Variants in NFYC observed in about 807,000 individuals in gnomAD.
NFYC encodes the protein nuclear transcription factor Y subunit gamma.
Under a neutral mutation model 53.1 loss-of-function variants are expected in NFYC, and 25 were observed. The observed-to-expected ratio is 0.47, with a 90% CI of 0.34 to 0.66. The LOEUF is 0.66. Among genes scored for constraint, NFYC ranks in the 30% least tolerant of loss-of-function variants. NFYC has a pLI of 0.01. For synonymous variants in NFYC, 145 were observed against 152.6 expected, an observed-to-expected ratio of 0.95 and a Z score of 0.37; for missense variants, 260 against 422.7, an observed-to-expected ratio of 0.62 and a Z score of 3.38.
chr1:40,737,964 G>A (rs1030996321), intron 1 of NFYC, among the ~76,000 whole-genome samples: 3 of 149,320 alleles, frequency 2.0e-5, no homozygotes, highest in Non-Finnish European at 4.5e-5. Flanking sequence ...GTGCAGTGGC[G>A]GGATCTCGGC....
At chr1:40,752,942 A>G (rs1191210280) in intron 4 of NFYC, among the ~76,000 whole-genome samples, 1 of 152,086 alleles carries the variant, frequency 6.6e-6, no homozygotes, top group Admixed American at 6.6e-5. Flanking sequence ...AGTGTGAGTT[A>G]CATGTATCTC....
Position 40,691,873 on chromosome 1 carries a change from T to C in NFYC, c.-9+6T>C. On this transcript the variant is annotated splice_donor_region_variant and intron_variant, in intron 1 of 9. Transcript: ENST00000447388. The stretch of plus-strand genomic sequence containing the variant: ...TCCTGGACTCCTGAGCAGAGGTGTG[T>C]GAGTGTGCGGGAGTTTCTGTGCGAG... 1 of 399,832 alleles carries C rather than the reference T, an allele frequency of 2.5e-6. No individual in the cohort carries two copies. Among genetic ancestry groups the C allele is most frequent in the South Asian group, 1.7e-5 (1 of 59,570 alleles). 24.8% of individuals were successfully genotyped at this position (399,832 alleles called of 1,614,324 possible). A position where few individuals can be genotyped will look rare whatever the true frequency, so the allele number is the denominator to read the frequency against.
At chr1:40,736,236 T>C (rs1354872703) in intron 1 of NFYC, among the ~76,000 whole-genome samples, 1 of 152,188 alleles carries the variant, frequency 6.6e-6, no homozygotes, top group Non-Finnish European at 1.5e-5. Context: ...GCTTGTATTG[T>C]TGTTTTCCTT....
intron 1 of NFYC, among the ~76,000 whole-genome samples, chr1:40,734,263 T>G (rs2148570148): frequency 6.6e-6 from 1 of 152,332 alleles, no homozygotes; most frequent in East Asian, 1.9e-4. Flanking sequence ...GTAGATGTTG[T>G]AAATGGACTA....
intron 1 of NFYC, among the ~76,000 whole-genome samples, chr1:40,703,326 C>CA (rs57359487): frequency 0.12 from 18,058 of 147,608 alleles, 1,195 homozygotes; most frequent in African/African-American, 0.15. Flanking sequence ...CCTGTCTCTA[C>CA]AAAAAAAAAT....
chr1:40,769,707 T>C (rs973267337), intron 9 of NFYC, among the ~76,000 whole-genome samples: 2 of 152,146 alleles, frequency 1.3e-5, no homozygotes, highest in Non-Finnish European at 2.9e-5. Context: ...TAGATGTTCA[T>C]TGCAGAGCCA....
intron 8 of NFYC, among the ~76,000 whole-genome samples, chr1:40,767,761 A>G (rs823677): frequency 1 from 151,662 of 152,286 alleles, 75,522 homozygotes; most frequent in Middle Eastern, 1. Context: ...AGGTGATCAC[A>G]TGAGGTCGGG....
At chr1:40,702,942 G>A (rs1643512137) in intron 1 of NFYC, among the ~76,000 whole-genome samples, 1 of 151,972 alleles carries the variant, frequency 6.6e-6, no homozygotes, top group Non-Finnish European at 1.5e-5. Flanking sequence ...CCAGCCTCCC[G>A]AGTAGCTGGG....
chr1:40,711,496 G>A (rs1047541922), intron 1 of NFYC, among the ~76,000 whole-genome samples: 1 of 152,276 alleles, frequency 6.6e-6, no homozygotes, highest in East Asian at 1.9e-4. Context: ...ACAGTATGAA[G>A]TAAACTATAA....
chr1:40,735,451 C>G, intron 1 of NFYC: 1 of 264,594 alleles, frequency 3.8e-6, no homozygotes, highest in Non-Finnish European at 5.8e-6. Context: ...CTGATCATGC[C>G]TGCACATCTG....
chr1:40,692,747 A>G lies in NFYC; in HGVS notation c.-9+880A>G, dbSNP rs529560912. Among the ~76,000 whole-genome samples, 33 of 152,290 alleles carry G rather than the reference A, an allele frequency of 2.2e-4. 1 individual carries two copies. The South Asian group carries it at 6.6e-3, about 31-fold the overall frequency. On this transcript the variant is annotated intron_variant, in intron 1 of 9. Transcript: ENST00000447388. Reference sequence around the variant, plus strand: ...GCAAGTAAACCGAGAGAGGAATGCTATTGAGAAGTGTGCTCTGTCCGAGCC... The same window carrying G: ...GCAAGTAAACCGAGAGAGGAATGCTGTTGAGAAGTGTGCTCTGTCCGAGCC...
At chr1:40,762,844 C>CG (rs1448601764) in intron 6 of NFYC, 44 bp from the exon 7 acceptor site, 2 of 1,486,526 alleles carry the variant, frequency 1.3e-6, no homozygotes, top group Non-Finnish European at 1.8e-6. Flanking sequence ...CCTGTGGGCT[C>CG]TGAGCCTGAA....
At chr1:40,759,707 G>A (rs924904216) in intron 6 of NFYC, among the ~76,000 whole-genome samples, 1 of 152,072 alleles carries the variant, frequency 6.6e-6, no homozygotes, top group African/African-American at 2.4e-5. Context: ...AATAATATGA[G>A]TCTTGGGGAA....
At chr1:40,714,727 A>G (rs1386859786) in intron 1 of NFYC, among the ~76,000 whole-genome samples, 8 of 149,438 alleles carry the variant, frequency 5.4e-5, no homozygotes, top group Non-Finnish European at 4.5e-5. Flanking sequence ...CAGTCCTCCC[A>G]CCTCAGCCTC....
At chr1:40,718,515 G>A (rs192569160) in intron 1 of NFYC, among the ~76,000 whole-genome samples, 206 of 152,292 alleles carry the variant, frequency 1.4e-3, no homozygotes, top group African/African-American at 4.9e-3. Context: ...CAGGCTAATC[G>A]TAAAGGGAAC....
At chr1:40,739,301 G>C (rs1021217889) in intron 2 of NFYC, among the ~76,000 whole-genome samples, 1 of 152,096 alleles carries the variant, frequency 6.6e-6, no homozygotes, top group Non-Finnish European at 1.5e-5. Flanking sequence ...GTGGCCCTAC[G>C]ACATTTCTAG....
rs542502888 is a variant in NFYC at position 40,753,870 on chromosome 1, C to T, written c.387+624C>T. On this transcript the variant is annotated intron_variant, in intron 5 of 9. Coordinates refer to ENST00000447388, the MANE Select transcript of NFYC (RefSeq NM_014223.5). Reference sequence around the variant, plus strand: ...CCACTTGAGCTGTTTTGCAAGCAATCACAAGAAAGAATATGAACGTCTGCC... The same window carrying T: ...CCACTTGAGCTGTTTTGCAAGCAATTACAAGAAAGAATATGAACGTCTGCC... Among the ~76,000 whole-genome samples, 13 of 152,300 alleles carry T rather than the reference C, an allele frequency of 8.5e-5. No individual in the cohort carries two copies. The East Asian group carries it at 2.5e-3, about 29-fold the overall frequency.
chr1:40,747,474 A>G (rs2148662624), intron 2 of NFYC, 60 bp from the exon 3 acceptor site: 2 of 1,194,526 alleles, frequency 1.7e-6, no homozygotes, highest in East Asian at 4.7e-5. Context: ...ACTGCCTGTC[A>G]TGCTTTGCCA....
intron 1 of NFYC, among the ~76,000 whole-genome samples, chr1:40,720,279 C>T (rs759036913): frequency 2.0e-4 from 31 of 152,152 alleles, no homozygotes; most frequent in African/African-American, 6.0e-4. Flanking sequence ...ATTATTATAA[C>T]GCCCTCTAGG....
Sources: allele counts gnomAD v4.1 joint callset (sites outside exome capture counted in the v4.1 genomes callset), GRCh38; gene constraint gnomAD v4.1.1; transcripts MANE v1.5; gene names NCBI Gene and HGNC (gene_info 2026-07-23, HGNC 2026-07-21).